SIPA1L3: variants seen among roughly 807,000 people sequenced by gnomAD.
SIPA1L3 encodes signal-induced proliferation-associated 1-like protein 3.
Under a neutral mutation model 150.1 loss-of-function variants are expected in SIPA1L3, and 59 were observed. That is an observed-to-expected ratio of 0.39 (90% CI 0.32 to 0.49). The LOEUF is 0.49. SIPA1L3 is among the 20% of genes least tolerant of loss of function. The pLI, the probability that SIPA1L3 is intolerant of heterozygous loss-of-function variation, is 0.86. For missense variants in SIPA1L3, 2,211 were observed against 2,489.5 expected, an observed-to-expected ratio of 0.89 and a Z score of 2.38; for synonymous variants, 1,070 against 1,077.6, an observed-to-expected ratio of 0.99 and a Z score of 0.14.
intron 10 of SIPA1L3, 65 bp from the exon 11 acceptor site, chr19:38,141,119 C>G (rs1971570528): frequency 6.8e-7 from 1 of 1,472,182 alleles, no homozygotes. Flanking sequence ...AAAACCCAGC[C>G]TAGACAGCAG....
chr19:38,188,908 G>A (rs1436540702), intron 16 of SIPA1L3, among the ~76,000 whole-genome samples: 16 of 148,148 alleles, frequency 1.1e-4, no homozygotes, highest in African/African-American at 2.5e-4. Context: ...GGGAGACAGC[G>A]AGACTCCGTC....
chr19:38,062,755 G>A (rs1220841482), intron 2 of SIPA1L3, among the ~76,000 whole-genome samples: 2 of 152,048 alleles, frequency 1.3e-5, no homozygotes, highest in Non-Finnish European at 2.9e-5. Context: ...TGAGTAGTTA[G>A]GATTACAGGC....
At chr19:37,915,560 T>G (rs771505337) in intron 1 of SIPA1L3, among the ~76,000 whole-genome samples, 3 of 152,000 alleles carry the variant, frequency 2.0e-5, no homozygotes, top group African/African-American at 4.8e-5. Flanking sequence ...TTTTGTATTT[T>G]TAGTAGAGAT....
At chr19:38,181,172 C>A (rs1331965494) in intron 15 of SIPA1L3, among the ~76,000 whole-genome samples, 1 of 152,186 alleles carries the variant, frequency 6.6e-6, no homozygotes, top group African/African-American at 2.4e-5. Flanking sequence ...ATACATGCTT[C>A]TCAAATTGTT....
intron 9 of SIPA1L3, among the ~76,000 whole-genome samples, chr19:38,128,149 T>A (rs71354969): frequency 0.029 from 4,290 of 148,788 alleles, 198 homozygotes; most frequent in African/African-American, 0.1. Context: ...CTGCCTCCTG[T>A]GTTCAAGCGA....
intron 1 of SIPA1L3, among the ~76,000 whole-genome samples, chr19:37,962,122 G>A (rs577893884): frequency 7.4e-4 from 111 of 149,410 alleles, no homozygotes; most frequent in African/African-American, 2.5e-3. Context: ...TACTGTTTGT[G>A]TGTCTCACAA....
chr19:38,022,398 A>C (rs1259853108), intron 1 of SIPA1L3, among the ~76,000 whole-genome samples: 4 of 152,104 alleles, frequency 2.6e-5, no homozygotes, highest in Admixed American at 2.6e-4. Flanking sequence ...ACTGCACTCC[A>C]GCCTGGGTGA....
In SIPA1L3 at chr19:38,081,678, G is replaced by A. The variant is rs774409136; in HGVS notation, c.113G>A (p.Gly38Glu). 2.5e-6 allele frequency: 4 copies of A among 1,612,270 alleles called. No individual in the cohort carries two copies. The South Asian group carries it at 4.4e-5, about 18-fold the overall frequency. ...CACACAGGGGACTACGCTCCCTTGG[G>A]ATTCTGGGCCCAGAATGGCAGCATG... ...GPHTGDYAPLGFWAQNGSMSQ... is the reference protein window; with the variant it reads ...GPHTGDYAPLEFWAQNGSMSQ... Residue 38 changes from glycine to glutamate, a missense_variant, in exon 3 of 22, where the codon GGA (glycine) becomes GAA (glutamate). Around this residue, in one of 5 missense-constraint regions of SIPA1L3, gnomAD observed 130 missense variants for 174.5 expected, o/e 0.74. Transcript: ENST00000222345.
chr19:38,031,466 T>C (rs117414080), intron 2 of SIPA1L3, among the ~76,000 whole-genome samples: 1 of 152,352 alleles, frequency 6.6e-6, no homozygotes, highest in East Asian at 1.9e-4. Flanking sequence ...GGAAGAGGAC[T>C]GCTCTGCTAT....
At chr19:38,099,279 G>A (rs12460013) in intron 4 of SIPA1L3, among the ~76,000 whole-genome samples, 47,906 of 150,656 alleles carry the variant, frequency 0.32, 8,300 homozygotes, top group East Asian at 0.61. Flanking sequence ...CAAGTGATCC[G>A]CCCACCTTGG....
chr19:38,044,686 A>G (rs1332862380), intron 2 of SIPA1L3, among the ~76,000 whole-genome samples: 1 of 152,160 alleles, frequency 6.6e-6, no homozygotes, highest in African/African-American at 2.4e-5. Flanking sequence ...GTGTTAAATT[A>G]ATGTCTTCAT....
At chr19:38,111,204 T>A (rs936454291) in intron 8 of SIPA1L3, among the ~76,000 whole-genome samples, 104 of 151,622 alleles carry the variant, frequency 6.9e-4, no homozygotes, top group African/African-American at 2.5e-3. Flanking sequence ...AAAAAAAAAT[T>A]TTTTTTTAGT....
At chr19:38,013,301 C>T (rs1006165722) in intron 1 of SIPA1L3, among the ~76,000 whole-genome samples, 1 of 152,060 alleles carries the variant, frequency 6.6e-6, no homozygotes, top group Non-Finnish European at 1.5e-5. Flanking sequence ...AAGCAAAGAA[C>T]GACCTGAAGG....
chr19:38,001,034 TCA>T (rs1291599856), intron 1 of SIPA1L3, among the ~76,000 whole-genome samples: 1 of 149,776 alleles, frequency 6.7e-6, no homozygotes, highest in Non-Finnish European at 1.5e-5. Context: ...CACACATATA[TCA>T]CACATATATC....
intron 1 of SIPA1L3, among the ~76,000 whole-genome samples, chr19:38,020,019 G>A (rs1426261994): frequency 9.2e-5 from 14 of 152,076 alleles, no homozygotes; most frequent in Admixed American, 9.2e-4. Flanking sequence ...ACTGAGCCCA[G>A]GAGTTCAAGA....
intron 4 of SIPA1L3, 144 bp from the exon 5 acceptor site, chr19:38,099,818 G>C: frequency 1.5e-6 from 1 of 649,460 alleles, no homozygotes; most frequent in Admixed American, 3.9e-5. Context: ...TCAAGTTCTG[G>C]CTCAGACTTA....
At chr19:37,947,074 G>A (rs1426994601) in intron 1 of SIPA1L3, among the ~76,000 whole-genome samples, 3 of 152,138 alleles carry the variant, frequency 2.0e-5, no homozygotes, top group Admixed American at 2.0e-4. Flanking sequence ...CACACCTGTG[G>A]TCTCAGCTAC....
chr19:38,067,493 T>A (rs990385082), intron 2 of SIPA1L3, among the ~76,000 whole-genome samples: 2 of 152,196 alleles, frequency 1.3e-5, no homozygotes, highest in South Asian at 4.1e-4. Flanking sequence ...CCGGGCGTGG[T>A]GGCTCAAGTC....
chr19:37,956,871 T>C (rs1486348037), intron 1 of SIPA1L3, among the ~76,000 whole-genome samples: 1 of 152,226 alleles, frequency 6.6e-6, no homozygotes, highest in African/African-American at 2.4e-5. Context: ...AAGAACTCTT[T>C]GACCCAGTAT....
Sources: allele counts gnomAD v4.1 joint callset (sites outside exome capture counted in the v4.1 genomes callset), GRCh38; gene constraint gnomAD v4.1.1; regional missense constraint gnomAD v4.1.1; transcripts MANE v1.5; gene names NCBI Gene and HGNC (gene_info 2026-07-23, HGNC 2026-07-21).